Variants in PPP1R13L observed in about 807,000 individuals in gnomAD.
The protein encoded by PPP1R13L is relA-associated inhibitor.
PPP1R13L carries 50 observed loss-of-function variants against 80.9 expected under a neutral mutation model. That is an observed-to-expected ratio of 0.62 (90% CI 0.49 to 0.78). The LOEUF (loss-of-function observed/expected upper bound fraction) is 0.78. Among genes scored for constraint, PPP1R13L ranks in the 30% least tolerant of loss-of-function variants. The probability of loss-of-function intolerance (pLI) is 0.00; values close to 1 mark genes in which losing one functional copy is unlikely to be tolerated. For synonymous variants in PPP1R13L, 602 were observed against 534.3 expected (o/e 1.13, Z -1.75); for missense variants, 1,200 against 1,205.9 (o/e 1.00, Z 0.07).
At chr19:45,403,468 G>A (rs1001713261) in intron 1 of PPP1R13L, among the ~76,000 whole-genome samples, 1 of 152,080 alleles carries the variant, frequency 6.6e-6, no homozygotes. Flanking sequence ...ACTTAGGGAC[G>A]GGAGGGCTGG....
chr19:45,380,104 A>G lies in PPP1R13L; in HGVS notation c.*86T>C. On this transcript the variant is annotated 3_prime_UTR_variant, in exon 13 of 13. Coordinates refer to ENST00000360957, the MANE Select transcript of PPP1R13L (RefSeq NM_006663.4). ...CACCAGCAGGGTGAGGGGTGCAGAT[A>G]AAGGCAGCAAAAAACAGAGGGAGAG... 6.7e-7 allele frequency: 1 copy of G among 1,483,796 alleles called. No individual in the cohort carries two copies. Among genetic ancestry groups the G allele is most frequent in the East Asian group, 2.3e-5 (1 of 43,972 alleles). 91.9% of individuals were successfully genotyped at this position (1,483,796 alleles called of 1,614,324 possible). A position where few individuals can be genotyped will look rare whatever the true frequency, so the allele number is the denominator to read the frequency against.
chr19:45,403,772 T>C (rs187195777), intron 1 of PPP1R13L, among the ~76,000 whole-genome samples: 2 of 152,242 alleles, frequency 1.3e-5, no homozygotes, highest in African/African-American at 4.8e-5. Flanking sequence ...AGCCCAGACA[T>C]TGGGAAACAC....
At chr19:45,405,591 T>C (rs542085022), upstream of PPP1R13L, among the ~76,000 whole-genome samples, 56 of 152,308 alleles carry the variant, frequency 3.7e-4, no homozygotes, top group African/African-American at 1.3e-3. Context: ...CCCCGGTGTC[T>C]CTCTCGCCCA....
At chr19:45,397,277 C>T (rs1198989087) in intron 3 of PPP1R13L, among the ~76,000 whole-genome samples, 1 of 152,088 alleles carries the variant, frequency 6.6e-6, no homozygotes, top group Non-Finnish European at 1.5e-5. Flanking sequence ...ACCTTTATGC[C>T]ACTTAGGTAA....
In PPP1R13L at chr19:45,395,986, T is replaced by A. The variant is rs1002472272; in HGVS notation, c.904-100A>T. On this transcript the variant is annotated intron_variant, in intron 6 of 12. Coordinates refer to ENST00000360957, the MANE Select transcript of PPP1R13L (RefSeq NM_006663.4). Reference sequence around the variant, plus strand: ...AAGGGAGAGGAGGTGAGGGAAGCCCTGGGAGTGAGGGAGAAGAAAGGGTGA... The same window carrying A: ...AAGGGAGAGGAGGTGAGGGAAGCCCAGGGAGTGAGGGAGAAGAAAGGGTGA... The A allele has an allele frequency of 3.9e-5, 51 of 1,295,746 alleles. 1 individual carries two copies. In the Admixed American group the frequency reaches 1.1e-3, roughly 27 times the overall value. 80.3% of individuals were successfully genotyped at this position (1,295,746 alleles called of 1,614,324 possible). A position where few individuals can be genotyped will look rare whatever the true frequency, so the allele number is the denominator to read the frequency against.
intron 8 of PPP1R13L, among the ~76,000 whole-genome samples, chr19:45,389,255 GT>G (rs1248429993): frequency 1.3e-5 from 2 of 152,078 alleles, no homozygotes; most frequent in Admixed American, 1.3e-4. Context: ...GAGCCTCAAG[GT>G]TCCTTGCCTT....
At chr19:45,397,846 C>T (rs1452857609) in intron 3 of PPP1R13L, among the ~76,000 whole-genome samples, 159 bp downstream of exon 3, 1 of 152,148 alleles carries the variant, frequency 6.6e-6, no homozygotes, top group Non-Finnish European at 1.5e-5. Context: ...GATTCCAGGT[C>T]TGAGCCATCG....
intron 8 of PPP1R13L, among the ~76,000 whole-genome samples, chr19:45,388,290 T>C (rs1423293225): frequency 2.6e-5 from 4 of 152,180 alleles, no homozygotes; most frequent in Non-Finnish European, 5.9e-5. Flanking sequence ...AAGCTCTCTA[T>C]GGTGTTGGTG....
At chr19:45,398,460 C>CT in intron 1 of PPP1R13L, 121 bp from the exon 2 acceptor site, 1 of 968,920 alleles carries the variant, frequency 1.0e-6, no homozygotes, top group Non-Finnish European at 1.5e-6. Context: ...CCTGGAAGCC[C>CT]TTTACCCTTT....
At chr19:45,382,424 T>G in intron 12 of PPP1R13L, 103 bp downstream of exon 12, 1 of 1,362,648 alleles carries the variant, frequency 7.3e-7, no homozygotes, top group Non-Finnish European at 1.0e-6. Flanking sequence ...CCTCTCCCAA[T>G]ATAACGGTTT....
At position 45,396,609 on chromosome 19, in the gene PPP1R13L, G is replaced by T. The variant is rs910924357; in HGVS notation, c.648C>A (p.Ser216=). The change falls in exon 4 of 13, where the codon TCC becomes TCA. Residue 216 remains serine (S), a synonymous_variant. Coordinates refer to ENST00000360957, the MANE Select transcript of PPP1R13L (RefSeq NM_006663.4). The surrounding 1 kb of genome is among the most constrained non-coding windows in gnomAD (Gnocchi z 5.3). ...AGCCTAGCAGGGAGCTCCCGAAGGC[G>T]GACGCTGGCGCGTCGTAGGCTGTGG... The part of the protein sequence containing the change: ...PPATAYDAPA[S]AFGSSLLGSG... The T allele has an allele frequency of 2.7e-6, 4 of 1,495,042 alleles. No homozygotes were observed. The highest frequency in any genetic ancestry group is 4.6e-5 in the Admixed American group (2 of 43,548). The allele number at this position is 1,495,042 out of a possible 1,614,324, so 92.6% of individuals were successfully genotyped here. A position where few individuals can be genotyped will look rare whatever the true frequency, so the allele number is the denominator to read the frequency against.
In PPP1R13L at chr19:45,396,185, G is replaced by A. The variant is rs1375923217; in HGVS notation, c.886C>T (p.Leu296=). The A allele has an allele frequency of 1.2e-6, 2 of 1,609,834 alleles. No homozygotes were observed. Among genetic ancestry groups the A allele is most frequent in the Non-Finnish European group, 1.7e-6 (2 of 1,179,002 alleles). Reference sequence around the variant, plus strand: ...CTCCTCACCTTGCCGGTGCCCCCCAGTCCATCCAGGCTGCTCTCCCTCCAA... The same window carrying A: ...CTCCTCACCTTGCCGGTGCCCCCCAATCCATCCAGGCTGCTCTCCCTCCAA... ...LPWRESSLDG[L]GGTGKDNLTS... The change falls in exon 6 of 13, where the codon CTG becomes TTG. Residue 296 remains leucine (L), a synonymous_variant. Coordinates refer to ENST00000360957, the MANE Select transcript of PPP1R13L (RefSeq NM_006663.4). The surrounding 1 kb of genome is among the most constrained non-coding windows in gnomAD (Gnocchi z 5.3).
Position 45,385,569 on chromosome 19 carries a change from G to A in PPP1R13L, c.2241C>T (p.Tyr747=). Residue 747 remains tyrosine, a synonymous_variant, in exon 11 of 13, where the codon TAC becomes TAT. Transcript: ENST00000360957. ...YREGYADCAT[Y]LADVEQSMGL... ...AGCAGCCCTGCCTCGCACCTGCCAG[G>A]TAGGTGGCGCAGTCAGCATAACCCT... 1 of 1,611,164 alleles carries A rather than the reference G, an allele frequency of 6.2e-7. No homozygotes were observed. Among genetic ancestry groups the A allele is most frequent in the Non-Finnish European group, 8.5e-7 (1 of 1,178,566 alleles).
rs775119461 is a variant in PPP1R13L at position 45,385,736 on chromosome 19, TG to T, written c.2082-9del. The T allele has an allele frequency of 6.3e-7, 1 of 1,599,414 alleles. No individual in the cohort carries two copies. The highest frequency in any genetic ancestry group is 1.4e-5 in the African/African-American group (1 of 73,046). ...GCGCAGTGCAAGGGTGTCCTAGGCG[TG>T]GGGGTGGGGGGTTGCGGGGAACGAT... On this transcript the variant is annotated splice_polypyrimidine_tract_variant and intron_variant, in intron 10 of 12. Coordinates refer to ENST00000360957, the MANE Select transcript of PPP1R13L (RefSeq NM_006663.4).
intron 11 of PPP1R13L, among the ~76,000 whole-genome samples, chr19:45,382,949 G>T (rs1972793342): frequency 6.6e-6 from 1 of 151,760 alleles, no homozygotes; most frequent in African/African-American, 2.4e-5. Flanking sequence ...ATGCCAGTGG[G>T]CCACCCACTC....
At chr19:45,384,276 TTTGGGAGGC>T (rs1972823026) in intron 11 of PPP1R13L, among the ~76,000 whole-genome samples, 1 of 149,994 alleles carries the variant, frequency 6.7e-6, no homozygotes, top group African/African-American at 2.5e-5. Context: ...ATCACAGCAC[TTTGGGAGGC>T]CAAGGCAGGC....
At chr19:45,381,001 T>C (rs1319117515) in intron 12 of PPP1R13L, among the ~76,000 whole-genome samples, 1 of 148,900 alleles carries the variant, frequency 6.7e-6, no homozygotes, top group Non-Finnish European at 1.5e-5. Context: ...TGCAGTGTAA[T>C]GAAAGCTTCC....
Position 45,398,098 on chromosome 19 carries a change from C to T in PPP1R13L, c.105G>A (p.Ala35=), listed in dbSNP as rs1013692412. The T allele has an allele frequency of 2.5e-6, 4 of 1,614,050 alleles. No individual in the cohort carries two copies. The highest frequency in any genetic ancestry group is 1.7e-5 in the Admixed American group (1 of 59,996). ...TGGTCAGTTCATCCACCTTGGCCGC[C>T]GCCGTGTCCAGCTCCATCTGCTTCA... ...MDLKQMELDT[A]AAKVDELTKQ... is the part of the protein sequence containing the mutation. The change falls in exon 3 of 13, where the codon GCG becomes GCA. Residue 35 remains alanine (A), a synonymous_variant. Transcript: ENST00000360957.
chr19:45,384,679 C>T (rs1454219412), intron 11 of PPP1R13L, among the ~76,000 whole-genome samples: 1 of 152,048 alleles, frequency 6.6e-6, no homozygotes, highest in Non-Finnish European at 1.5e-5. Flanking sequence ...CTGCAAAACC[C>T]CTTCTGTACT....
Sources: allele counts gnomAD v4.1 joint callset (sites outside exome capture counted in the v4.1 genomes callset), GRCh38; gene constraint gnomAD v4.1.1; non-coding constraint Gnocchi (gnomAD v3.1); transcripts MANE v1.5; gene names NCBI Gene and HGNC (gene_info 2026-07-23, HGNC 2026-07-21).